Variants in HDAC9 observed in about 807,000 individuals in gnomAD.
HDAC9 encodes histone deacetylase 9.
A neutral mutation model predicts 139.4 loss-of-function variants in HDAC9; 41 were observed. That is an observed-to-expected ratio of 0.29 (90% CI 0.23 to 0.38). HDAC9 has a LOEUF of 0.38. Ranked by LOEUF, HDAC9 falls within the 10% of genes least tolerant of loss-of-function variation. The probability of loss-of-function intolerance (pLI) is 1.00; values close to 1 mark genes in which losing one functional copy is unlikely to be tolerated. For missense variants in HDAC9, 1,147 were observed against 1,297.0 expected, an observed-to-expected ratio of 0.88 and a Z score of 1.78; for synonymous variants, 517 against 476.2, an observed-to-expected ratio of 1.09 and a Z score of -1.12.
chr7:18,535,823 CA>C (rs1225737878), intron 2 of HDAC9, among the ~76,000 whole-genome samples: 1 of 141,146 alleles, frequency 7.1e-6, no homozygotes, highest in Non-Finnish European at 1.5e-5. Context: ...ACTTAGCAAA[CA>C]AAACAGAAGA....
At chr7:18,103,929 C>A (rs976171796) in intron 1 of HDAC9, among the ~76,000 whole-genome samples, 1 of 152,184 alleles carries the variant, frequency 6.6e-6, no homozygotes, top group African/African-American at 2.4e-5. Flanking sequence ...TGGCCAGAGC[C>A]GATCCCAGCA....
intron 21 of HDAC9, among the ~76,000 whole-genome samples, chr7:18,840,220 C>A (rs1049085610): frequency 6.6e-6 from 1 of 152,038 alleles, no homozygotes; most frequent in African/African-American, 2.4e-5. Flanking sequence ...GGTCATAGAG[C>A]TCTTGATCTG....
At chr7:18,355,624 A>T (rs1010876350) in intron 1 of HDAC9, among the ~76,000 whole-genome samples, 1 of 152,134 alleles carries the variant, frequency 6.6e-6, no homozygotes, top group Non-Finnish European at 1.5e-5. Context: ...ATTAGAGACA[A>T]ATTTAACATC....
intron 17 of HDAC9, among the ~76,000 whole-genome samples, chr7:18,801,596 G>A (rs924890557): frequency 6.6e-6 from 1 of 151,958 alleles, no homozygotes; most frequent in Non-Finnish European, 1.5e-5. Flanking sequence ...TTCATAAAGT[G>A]AATATGAGAC....
chr7:18,439,288 G>A (rs1269145156), intron 1 of HDAC9, among the ~76,000 whole-genome samples: 1 of 151,894 alleles, frequency 6.6e-6, no homozygotes, highest in Non-Finnish European at 1.5e-5. Context: ...TTTTCTCATT[G>A]TCTCTAATTC....
intron 22 of HDAC9, among the ~76,000 whole-genome samples, chr7:18,899,135 C>T (rs544655411): frequency 1.3e-5 from 2 of 152,078 alleles, no homozygotes; most frequent in South Asian, 4.1e-4. Flanking sequence ...GATATATTTG[C>T]TATGGTTTGG....
intron 2 of HDAC9, among the ~76,000 whole-genome samples, chr7:18,541,742 T>C (rs1813041929): frequency 6.6e-6 from 1 of 152,236 alleles, no homozygotes; most frequent in South Asian, 2.1e-4. Context: ...GATTTTATAG[T>C]CTATTTAATC....
intron 2 of HDAC9, among the ~76,000 whole-genome samples, chr7:18,553,893 C>T (rs190231192): frequency 6.6e-6 from 1 of 152,062 alleles, no homozygotes; most frequent in Non-Finnish European, 1.5e-5. Context: ...AAGTTAAATG[C>T]CGTCTTTATC....
chr7:18,441,943 TG>T (rs1791813031), intron 1 of HDAC9, among the ~76,000 whole-genome samples: 1 of 152,060 alleles, frequency 6.6e-6, no homozygotes, highest in Admixed American at 6.6e-5. Context: ...AACTTTTTTT[TG>T]TATTTTTAGT....
chr7:18,132,327 A>G (rs1785067078), intron 1 of HDAC9, among the ~76,000 whole-genome samples: 1 of 152,214 alleles, frequency 6.6e-6, no homozygotes, highest in Admixed American at 6.5e-5. Flanking sequence ...AATAATATGA[A>G]GAATAATAGG....
At chr7:18,634,882 A>G (rs1783411677) in intron 8 of HDAC9, 140 bp downstream of exon 8, 1 of 567,210 alleles carries the variant, frequency 1.8e-6, no homozygotes, top group Admixed American at 3.4e-5. Flanking sequence ...CATATTGTAA[A>G]CCAATTGAAA....
rs1804644193 is a variant in HDAC9 at position 18,930,500 on chromosome 7, A to G, written c.2804-5309A>G. The stretch of plus-strand genomic sequence containing the variant: ...ACACACACGTACACATGCCACTGAA[A>G]CCTTTAATATGTCCTGAAAAATAAT... On this transcript the variant is annotated intron_variant, in intron 22 of 25. Transcript: ENST00000686413. Among the ~76,000 whole-genome samples, 3 of 152,030 alleles carry G rather than the reference A, an allele frequency of 2.0e-5. No individual in the cohort carries two copies. The South Asian group carries it at 6.2e-4, about 32-fold the overall frequency.
chr7:18,409,508 G>A (rs898249625), intron 1 of HDAC9, among the ~76,000 whole-genome samples: 6 of 152,118 alleles, frequency 3.9e-5, no homozygotes, highest in African/African-American at 1.4e-4. Context: ...TGAGTTTAGA[G>A]CACCCTCTGC....
intron 1 of HDAC9, among the ~76,000 whole-genome samples, chr7:18,439,120 A>G (rs1245801734): frequency 6.6e-6 from 1 of 152,124 alleles, no homozygotes; most frequent in African/African-American, 2.4e-5. Context: ...TATTTATCAG[A>G]TCTGGTGGCT....
At chr7:18,256,674 TG>T (rs563378725) in intron 2 of HDAC9, among the ~76,000 whole-genome samples, 18 of 152,350 alleles carry the variant, frequency 1.2e-4, no homozygotes, top group African/African-American at 4.3e-4. Context: ...CAGATAATGG[TG>T]GAATGTTTAG....
intron 1 of HDAC9, among the ~76,000 whole-genome samples, chr7:18,432,678 T>G (rs184429222): frequency 6.6e-6 from 1 of 152,162 alleles, no homozygotes. Context: ...CCGGGCGCTG[T>G]GGCTCACGCC....
chr7:18,859,110 T>C (rs1443625071), intron 21 of HDAC9, among the ~76,000 whole-genome samples: 3 of 152,140 alleles, frequency 2.0e-5, no homozygotes, highest in African/African-American at 7.2e-5. Context: ...CTTACCTTCA[T>C]TGAGTCTTAG....
At chr7:18,287,400 C>G (rs1333863126), upstream of HDAC9, among the ~76,000 whole-genome samples, 2 of 152,202 alleles carry the variant, frequency 1.3e-5, no homozygotes, top group Non-Finnish European at 2.9e-5. Flanking sequence ...ATACCATACT[C>G]TGACATTACA....
intron 6 of HDAC9, among the ~76,000 whole-genome samples, chr7:18,624,901 T>C (rs560920023): frequency 6.6e-6 from 1 of 152,106 alleles, no homozygotes; most frequent in East Asian, 1.9e-4. Flanking sequence ...ACCCAAAACC[T>C]GAAATACAGG....
Sources: gnomAD v4.1 joint callset for allele counts (sites outside exome capture counted in the v4.1 genomes callset) on GRCh38, gnomAD v4.1.1 for gene constraint, MANE v1.5 for transcripts, NCBI Gene and HGNC (gene_info 2026-07-23, HGNC 2026-07-21) for gene names.